HSD17B12: variants seen among roughly 807,000 people sequenced by gnomAD.
The protein encoded by HSD17B12 is hydroxysteroid 17-beta dehydrogenase 12, also known as very-long-chain 3-oxoacyl-CoA reductase.
Under a neutral mutation model 39.3 loss-of-function variants are expected in HSD17B12, and 32 were observed. That is an observed-to-expected ratio of 0.81 (90% CI 0.61 to 1.09). HSD17B12 has a LOEUF of 1.09. Ranked by LOEUF, HSD17B12 falls within the 50% of genes least tolerant of loss-of-function variation. The probability of loss-of-function intolerance (pLI) is 0.00; values close to 1 mark genes in which losing one functional copy is unlikely to be tolerated. For synonymous variants in HSD17B12, 150 were observed against 146.7 expected (o/e 1.02, Z -0.16); for missense variants, 342 against 382.9 (o/e 0.89, Z 0.89).
the HSD17B12 span, among the ~76,000 whole-genome samples, chr11:43,590,104 T>C: frequency 6.6e-6 from 1 of 151,946 alleles, no homozygotes; most frequent in Non-Finnish European, 1.5e-5. Flanking sequence ...GAACCTTGAA[T>C]AAGGAAGGAG....
At position 43,752,477 on chromosome 11, in the gene HSD17B12, G is replaced by A. The variant is rs992042572; in HGVS notation, c.207+1520G>A. Among the ~76,000 whole-genome samples, 6 of 152,222 alleles carry A rather than the reference G, an allele frequency of 3.9e-5. No homozygotes were observed. The South Asian group carries it at 1.2e-3, about 32-fold the overall frequency. On this transcript the variant is annotated intron_variant, in intron 2 of 10. Coordinates refer to ENST00000278353, the MANE Select transcript of HSD17B12 (RefSeq NM_016142.3). ...ACCTTTAATCCCAGCACTTTGGGAG[G>A]CTGAGGTGGGTGGATCACCTGAGGT...
intron 1 of HSD17B12, among the ~76,000 whole-genome samples, chr11:43,727,859 T>C (rs1950234879): frequency 6.6e-6 from 1 of 152,134 alleles, no homozygotes; most frequent in African/African-American, 2.4e-5. Context: ...ATGGCAGTAA[T>C]GTATAGTGGG....
chr11:43,564,970 G>A, the HSD17B12 span, among the ~76,000 whole-genome samples: 1 of 151,496 alleles, frequency 6.6e-6, no homozygotes, highest in Admixed American at 6.6e-5. Context: ...CACTGTGTCG[G>A]CTGGCTGCAA....
At chr11:43,612,314 G>A in the HSD17B12 span, among the ~76,000 whole-genome samples, 3 of 152,104 alleles carry the variant, frequency 2.0e-5, no homozygotes, top group Non-Finnish European at 4.4e-5. Context: ...CACAGAGCGG[G>A]TACTTAGGTG....
At chr11:43,742,283 G>A (rs1482241504) in intron 1 of HSD17B12, among the ~76,000 whole-genome samples, 1 of 151,532 alleles carries the variant, frequency 6.6e-6, no homozygotes, top group Non-Finnish European at 1.5e-5. Flanking sequence ...GACTATAGGT[G>A]TGTGCTACCA....
chr11:43,835,505 T>G (rs1265575915), intron 7 of HSD17B12, among the ~76,000 whole-genome samples: 2 of 152,144 alleles, frequency 1.3e-5, no homozygotes, highest in African/African-American at 4.8e-5. Context: ...CGAGAGAGTT[T>G]TACACTGTTG....
At chr11:43,680,507 C>T (rs1017736523), upstream of HSD17B12, 18 of 387,500 alleles carry the variant, frequency 4.6e-5, no homozygotes, top group African/African-American at 2.1e-5. Context: ...GCGAGTACGG[C>T]TGCAGCCAAT....
the HSD17B12 span, among the ~76,000 whole-genome samples, chr11:43,572,429 A>G: frequency 6.6e-6 from 1 of 152,122 alleles, no homozygotes; most frequent in Non-Finnish European, 1.5e-5. Flanking sequence ...TGGGGGATAG[A>G]CCTGGAATAT....
chr11:43,592,914 G>T, the HSD17B12 span, among the ~76,000 whole-genome samples: 1 of 152,224 alleles, frequency 6.6e-6, no homozygotes, highest in East Asian at 1.9e-4. Context: ...AGAGGAGAGA[G>T]GCTGTGTTCT....
chr11:43,632,443 G>A, the HSD17B12 span, among the ~76,000 whole-genome samples: 14 of 152,346 alleles, frequency 9.2e-5, no homozygotes, highest in East Asian at 2.3e-3. Context: ...CGTTTTAAAA[G>A]AAAGCTGATG....
chr11:43,610,318 T>C, the HSD17B12 span, among the ~76,000 whole-genome samples: 67 of 152,346 alleles, frequency 4.4e-4, no homozygotes, highest in East Asian at 0.012. Context: ...AGGCATGTAA[T>C]TGGTGATTAA....
chr11:43,855,314 C>A lies in HSD17B12; in HGVS notation c.*66C>A. On this transcript the variant is annotated 3_prime_UTR_variant, in exon 11 of 11. Transcript: ENST00000278353. ...ATATGCACGTTCACTGCAAAGCACCCTACTGGTTTTGAAAATCTGACCTTG... is the reference window on the plus strand; with the variant it reads ...ATATGCACGTTCACTGCAAAGCACCATACTGGTTTTGAAAATCTGACCTTG... The A allele has an allele frequency of 1.1e-6, 1 of 894,574 alleles. No homozygotes were observed. The allele number at this position is 894,574 out of a possible 1,614,324, so 55.4% of individuals were successfully genotyped here. A position where few individuals can be genotyped will look rare whatever the true frequency, so the allele number is the denominator to read the frequency against.
intron 1 of HSD17B12, among the ~76,000 whole-genome samples, chr11:43,687,317 G>C (rs773905903): frequency 6.6e-6 from 1 of 152,174 alleles, no homozygotes; most frequent in Non-Finnish European, 1.5e-5. Context: ...CTATTCATTT[G>C]CCCATTTATC....
chr11:43,572,350 G>A, the HSD17B12 span, among the ~76,000 whole-genome samples: 4 of 152,154 alleles, frequency 2.6e-5, no homozygotes. Flanking sequence ...GGCTTCTTAG[G>A]AGGAATAGAT....
the HSD17B12 span, among the ~76,000 whole-genome samples, chr11:43,669,419 T>G: frequency 6.6e-6 from 1 of 151,744 alleles, no homozygotes; most frequent in Non-Finnish European, 1.5e-5. Flanking sequence ...GAGAATCACT[T>G]GGACCTGGGA....
At chr11:43,691,746 C>T (rs1440889627) in intron 1 of HSD17B12, among the ~76,000 whole-genome samples, 3 of 152,162 alleles carry the variant, frequency 2.0e-5, no homozygotes, top group South Asian at 4.1e-4. Flanking sequence ...CTGATGTCAC[C>T]TCCTTTGCAC....
intron 1 of HSD17B12, among the ~76,000 whole-genome samples, chr11:43,735,732 AACT>A (rs1379503836): frequency 6.6e-6 from 1 of 152,202 alleles, no homozygotes; most frequent in Non-Finnish European, 1.5e-5. Flanking sequence ...TGCTGTAAAG[AACT>A]ACCTGAGACT....
chr11:43,675,925 A>G (rs1012401360), upstream of HSD17B12, among the ~76,000 whole-genome samples: 1 of 152,160 alleles, frequency 6.6e-6, no homozygotes, highest in African/African-American at 2.4e-5. Context: ...CAGCCTGGCC[A>G]ACATGGTGAA....
At chr11:43,574,541 C>A in the HSD17B12 span, among the ~76,000 whole-genome samples, 1 of 152,092 alleles carries the variant, frequency 6.6e-6, no homozygotes, top group South Asian at 2.1e-4. Context: ...ATTCTCCCCA[C>A]CTCCATCACT....
Sources: allele counts gnomAD v4.1 joint callset (sites outside exome capture counted in the v4.1 genomes callset), GRCh38; gene constraint gnomAD v4.1.1; transcripts MANE v1.5; gene names NCBI Gene and HGNC (gene_info 2026-07-23, HGNC 2026-07-21).